Variants in MELK observed in about 807,000 individuals in gnomAD.
MELK encodes the protein pEg3 kinase.
In MELK, 81 loss-of-function variants were observed where a neutral mutation model predicts 85.0. The ratio of observed to expected loss-of-function variants is 0.95; its 90% confidence interval spans 0.80 to 1.15. The LOEUF is 1.15. Among genes scored for constraint, MELK ranks in the 50% most tolerant of loss-of-function variants. The probability of loss-of-function intolerance (pLI) is 0.00; values close to 1 mark genes in which losing one functional copy is unlikely to be tolerated. For missense variants in MELK, 754 were observed against 777.5 expected (o/e 0.97, Z 0.36); for synonymous variants, 252 against 265.0 (o/e 0.95, Z 0.48).
chr9:36,636,500 C>T (rs1331264789), intron 10 of MELK, among the ~76,000 whole-genome samples: 1 of 151,730 alleles, frequency 6.6e-6, no homozygotes, highest in African/African-American at 2.4e-5. Flanking sequence ...GAAACTCCGC[C>T]TCAAAAAATA....
intron 17 of MELK, among the ~76,000 whole-genome samples, 198 bp downstream of exon 17, chr9:36,675,135 C>G (rs2138270977): frequency 6.6e-6 from 1 of 152,198 alleles, no homozygotes; most frequent in African/African-American, 2.4e-5. Context: ...AAAATACAAA[C>G]AATTAGCTGG....
At chr9:36,582,990 T>C (rs78484999) in intron 2 of MELK, among the ~76,000 whole-genome samples, 1 of 151,862 alleles carries the variant, frequency 6.6e-6, no homozygotes, top group African/African-American at 2.4e-5. Context: ...TTTTTTTTTT[T>C]GGAGATGGAG....
chr9:36,587,191 A>C (rs772629840), intron 3 of MELK, among the ~76,000 whole-genome samples: 17 of 151,842 alleles, frequency 1.1e-4, no homozygotes, highest in Non-Finnish European at 2.4e-4. Context: ...CTCCCCACAA[A>C]GAAAGAAGAT....
chr9:36,657,121 A>G (rs546869894), intron 12 of MELK, 120 bp from the exon 13 acceptor site: 186 of 1,168,266 alleles, frequency 1.6e-4, no homozygotes, highest in Middle Eastern at 1.1e-3. Context: ...TCACACAGTG[A>G]TAAAATTGCC....
chr9:36,676,690 GCC>G (rs1371298844), intron 17 of MELK, among the ~76,000 whole-genome samples: 1 of 152,156 alleles, frequency 6.6e-6, no homozygotes, highest in Non-Finnish European at 1.5e-5. Flanking sequence ...AAACACACGT[GCC>G]TTTCTGACAG....
At chr9:36,598,418 G>A (rs1030740292) in intron 6 of MELK, among the ~76,000 whole-genome samples, 77 of 152,212 alleles carry the variant, frequency 5.1e-4, no homozygotes, top group African/African-American at 1.8e-3. Context: ...TCCTGGGCAT[G>A]TTGTTTCAGT....
intron 1 of MELK, among the ~76,000 whole-genome samples, chr9:36,577,560 G>A (rs1349508131): frequency 1.3e-5 from 2 of 151,952 alleles, no homozygotes; most frequent in Non-Finnish European, 2.9e-5. Context: ...TGTGACTCCT[G>A]GCCTCAAGTG....
At chr9:36,576,627 G>A (rs768030475) in intron 1 of MELK, among the ~76,000 whole-genome samples, 2 of 152,164 alleles carry the variant, frequency 1.3e-5, no homozygotes, top group Non-Finnish European at 1.5e-5. Flanking sequence ...CACCTCCTGG[G>A]TTCAAGCGAT....
At chr9:36,664,007 A>G (rs187038352) in intron 13 of MELK, among the ~76,000 whole-genome samples, 7 of 152,322 alleles carry the variant, frequency 4.6e-5, no homozygotes, top group Non-Finnish European at 8.8e-5. Context: ...TCCTTCAACC[A>G]TCTTTCACGT....
intron 8 of MELK, among the ~76,000 whole-genome samples, chr9:36,615,347 GACCCCCCCACC>G (rs1826558751): frequency 8.2e-6 from 1 of 121,830 alleles, no homozygotes; most frequent in East Asian, 2.9e-4. Context: ...GCGGGGGGCT[GACCCCCCCACC>G]TCCCTCCCGG....
chr9:36,662,923 G>C (rs1199276481), intron 13 of MELK, among the ~76,000 whole-genome samples: 1 of 152,054 alleles, frequency 6.6e-6, no homozygotes, highest in South Asian at 2.1e-4. Context: ...GTGTCCTCTG[G>C]AGTTGTATAA....
intron 4 of MELK, among the ~76,000 whole-genome samples, chr9:36,589,921 T>C (rs1235098466): frequency 2.2e-5 from 2 of 88,970 alleles, no homozygotes; most frequent in African/African-American, 8.8e-5. Flanking sequence ...CTCATTCTAG[T>C]TTTTTTTTTT....
chr9:36,634,729 G>C (rs1046112161), intron 10 of MELK, among the ~76,000 whole-genome samples: 1 of 152,044 alleles, frequency 6.6e-6, no homozygotes, highest in Non-Finnish European at 1.5e-5. Flanking sequence ...GCTGGGTGCA[G>C]TGGCTCACAT....
At chr9:36,629,587 A>G (rs180943232) in intron 8 of MELK, among the ~76,000 whole-genome samples, 199 of 152,306 alleles carry the variant, frequency 1.3e-3, no homozygotes, top group African/African-American at 4.3e-3. Context: ...ACTGTCACCA[A>G]ATATGCTTTT....
At chr9:36,593,365 A>T (rs562206099) in intron 4 of MELK, among the ~76,000 whole-genome samples, 2 of 152,222 alleles carry the variant, frequency 1.3e-5, no homozygotes, top group African/African-American at 4.8e-5. Flanking sequence ...CAGAGCCCTT[A>T]TGAATGGGAT....
At chr9:36,648,227 G>A (rs1830398975) in intron 11 of MELK, among the ~76,000 whole-genome samples, 3 of 152,114 alleles carry the variant, frequency 2.0e-5, no homozygotes, top group South Asian at 4.1e-4. Flanking sequence ...GGAGACAAAG[G>A]GATGTCATTA....
At chr9:36,631,810 C>T (rs143507059) in intron 9 of MELK, among the ~76,000 whole-genome samples, 1 of 151,028 alleles carries the variant, frequency 6.6e-6, no homozygotes, top group African/African-American at 2.4e-5. Context: ...TCACTTCATT[C>T]CTTATAATTA....
chr9:36,658,699 T>G (rs1268122543), intron 13 of MELK, among the ~76,000 whole-genome samples: 2 of 137,532 alleles, frequency 1.5e-5, no homozygotes, highest in Non-Finnish European at 3.1e-5. Context: ...CCTTTTTGTT[T>G]GTTTGTTTGT....
At chr9:36,634,376 A>T (rs1004953619) in intron 10 of MELK, among the ~76,000 whole-genome samples, 19 of 152,218 alleles carry the variant, frequency 1.2e-4, no homozygotes. Context: ...AACTATAGTT[A>T]GTCCGTGTTC....
Sources: gnomAD v4.1 joint callset for allele counts (sites outside exome capture counted in the v4.1 genomes callset) on GRCh38, gnomAD v4.1.1 for gene constraint, MANE v1.5 for transcripts, NCBI Gene and HGNC (gene_info 2026-07-23, HGNC 2026-07-21) for gene names.